The following SPRED2 variants were observed in gnomAD, a reference collection of about 807,000 sequenced individuals.
The protein encoded by SPRED2 is sprouty related EVH1 domain containing 2.
In SPRED2, 47 loss-of-function variants were observed where a neutral mutation model predicts 43.0. That is an observed-to-expected ratio of 1.09 (90% CI 0.87 to 1.40). The LOEUF is 1.40. Ranked by LOEUF, SPRED2 falls within the 40% of genes most tolerant of loss-of-function variation. The pLI is 0.00. For synonymous variants in SPRED2, 225 were observed against 225.7 expected, an observed-to-expected ratio of 1.00 and a Z score of 0.03; for missense variants, 561 against 586.4, an observed-to-expected ratio of 0.96 and a Z score of 0.45.
chr2:65,343,686 C>A (rs1295294007), intron 2 of SPRED2, among the ~76,000 whole-genome samples: 3 of 152,126 alleles, frequency 2.0e-5, no homozygotes, highest in African/African-American at 7.2e-5. Flanking sequence ...GAATTTAAAA[C>A]AGATTTTGGA....
intron 2 of SPRED2, among the ~76,000 whole-genome samples, chr2:65,336,432 GAAT>G (rs35393756): frequency 0.27 from 40,980 of 151,904 alleles, 6,850 homozygotes; most frequent in East Asian, 0.69. Context: ...AAAAAAATGA[GAAT>G]AATATTCAAA....
In SPRED2 at chr2:65,432,110, G is replaced by C; in HGVS notation, c.-123C>G. Reference sequence around the variant, plus strand: ...CTGATTTGGGGAGGGGGGGCGGCTAGAGATGAAGAGGGCGCCGCAGCAGAA... The same window carrying C: ...CTGATTTGGGGAGGGGGGGCGGCTACAGATGAAGAGGGCGCCGCAGCAGAA... On this transcript the variant is annotated 5_prime_UTR_variant, in exon 1 of 6. Transcript: ENST00000356388. The C allele has an allele frequency of 1.6e-6, 2 of 1,276,936 alleles. No individual in the cohort carries two copies. The highest frequency in any genetic ancestry group is 2.2e-6 in the Non-Finnish European group (2 of 898,992). The allele number at this position is 1,276,936 out of a possible 1,614,324, so 79.1% of individuals were successfully genotyped here. A position where few individuals can be genotyped will look rare whatever the true frequency, so the allele number is the denominator to read the frequency against.
chr2:65,421,254 T>G (rs1158426315), intron 1 of SPRED2, among the ~76,000 whole-genome samples: 1 of 152,244 alleles, frequency 6.6e-6, no homozygotes, highest in African/African-American at 2.4e-5. Flanking sequence ...AGGCACCTGA[T>G]GATACCTCTC....
intron 1 of SPRED2, among the ~76,000 whole-genome samples, chr2:65,355,646 G>C (rs923000821): frequency 6.6e-6 from 1 of 151,992 alleles, no homozygotes; most frequent in Non-Finnish European, 1.5e-5. Context: ...TGAACCTAGG[G>C]GGCAGAGGTT....
intron 3 of SPRED2, 54 bp from the exon 4 acceptor site, chr2:65,332,105 C>G (rs1673830365): frequency 8.5e-7 from 1 of 1,180,744 alleles, no homozygotes; most frequent in East Asian, 2.4e-5. Context: ...ACATCAAATC[C>G]AACCGTTTAA....
At position 65,313,911 on chromosome 2, in the gene SPRED2, G is replaced by A. The variant is rs555449116; in HGVS notation, c.847C>T (p.Arg283Cys). Residue 283 changes from arginine to cysteine, a missense_variant, in exon 6 of 6, where the codon CGC (arginine) becomes TGC (cysteine). Arg to Cys is a radical substitution (Grantham distance 180). Coordinates refer to ENST00000356388, the MANE Select transcript of SPRED2 (RefSeq NM_181784.3). Reference sequence around the variant, plus strand: ...TGCGTCTTGATCACGCTGCCCCCGCGGCCTTTGGGGTCCTCGCCTAGGCCA... The same window carrying A: ...TGCGTCTTGATCACGCTGCCCCCGCAGCCTTTGGGGTCCTCGCCTAGGCCA... ...DFGLGEDPKG[R>C]GGSVIKTQPS... The A allele has an allele frequency of 1.9e-6, 3 of 1,610,588 alleles. No individual in the cohort carries two copies. Among genetic ancestry groups the A allele is most frequent in the Non-Finnish European group, 2.5e-6 (3 of 1,179,942 alleles).
intron 1 of SPRED2, among the ~76,000 whole-genome samples, chr2:65,428,269 C>T (rs540180214): frequency 1.2e-3 from 179 of 152,288 alleles, no homozygotes; most frequent in African/African-American, 4.1e-3. Flanking sequence ...TGTCTATTCC[C>T]ATTTTGTCCA....
At chr2:65,366,472 G>T in intron 1 of SPRED2, 1 of 1,021,040 alleles carries the variant, frequency 9.8e-7, no homozygotes. Flanking sequence ...ACACACTGTG[G>T]TCCTCTACAA....
At chr2:65,323,804 A>C (rs1673510898) in intron 4 of SPRED2, among the ~76,000 whole-genome samples, 1 of 152,152 alleles carries the variant, frequency 6.6e-6, no homozygotes, top group South Asian at 2.1e-4. Flanking sequence ...TGAACGTGGG[A>C]GGAAGAGGTT....
rs776658106 is a variant in SPRED2, at chr2:65,313,873, G to C, written c.885C>G (p.Gly295=). The part of the protein sequence containing the change: ...GSVIKTQPSR[G]KSRRRKEDGE... ...CGTCCTCCTTCCGCCGCCGCGACTT[G>C]CCCCGGGAGGGCTGCGTCTTGATCA... Residue 295 remains glycine, a synonymous_variant, in exon 6 of 6, where the codon GGC becomes GGG. Transcript: ENST00000356388. 2.5e-6 allele frequency: 4 copies of C among 1,610,556 alleles called. No homozygotes were observed. The Admixed American group carries it at 6.7e-5, about 27-fold the overall frequency.
chr2:65,395,656 T>C (rs1675741834), intron 1 of SPRED2, among the ~76,000 whole-genome samples: 1 of 152,208 alleles, frequency 6.6e-6, no homozygotes, highest in African/African-American at 2.4e-5. Flanking sequence ...GGTTTCCTTA[T>C]GGGTAGAAGT....
In SPRED2 at chr2:65,314,056, T is replaced by C; in HGVS notation, c.702A>G (p.Ala234=). Residue 234 remains alanine (A), a synonymous_variant, in exon 6 of 6, where the codon GCA becomes GCG. Coordinates refer to ENST00000356388, the MANE Select transcript of SPRED2 (RefSeq NM_181784.3). ...WMTGYEDYRH[A]PVRGKYPDPS... is the part of the protein sequence containing the mutation. Reference sequence around the variant, plus strand: ...GGTCCGGGTACTTGCCCCTGACGGGTGCGTGCCGGTAATCCTCGTACCCCG... The same window carrying C: ...GGTCCGGGTACTTGCCCCTGACGGGCGCGTGCCGGTAATCCTCGTACCCCG... 2 of 1,614,032 alleles carry C rather than the reference T, an allele frequency of 1.2e-6. No homozygotes were observed. The highest frequency in any genetic ancestry group is 1.7e-6 in the Non-Finnish European group (2 of 1,179,958).
chr2:65,357,298 C>T (rs1248689362), intron 1 of SPRED2, among the ~76,000 whole-genome samples: 2 of 152,228 alleles, frequency 1.3e-5, no homozygotes, highest in Non-Finnish European at 2.9e-5. Context: ...GCATGCTGGA[C>T]GGCTTCACTT....
intron 1 of SPRED2, among the ~76,000 whole-genome samples, chr2:65,365,994 T>C (rs1460408609): frequency 6.6e-6 from 1 of 151,568 alleles, no homozygotes; most frequent in African/African-American, 2.4e-5. Flanking sequence ...AAAAAGTTAA[T>C]GCATGAATTC....
intron 4 of SPRED2, among the ~76,000 whole-genome samples, chr2:65,323,713 A>G (rs546683127): frequency 4.6e-5 from 7 of 151,922 alleles, no homozygotes; most frequent in Non-Finnish European, 1.0e-4. Context: ...CGTCTCTACT[A>G]AAAATACAAA....
intron 1 of SPRED2, among the ~76,000 whole-genome samples, chr2:65,392,667 T>A (rs2103690414): frequency 6.6e-6 from 1 of 152,200 alleles, no homozygotes; most frequent in East Asian, 1.9e-4. Context: ...AATGGAGTTG[T>A]GTTGAAATGA....
chr2:65,429,642 T>G (rs1676631583), intron 1 of SPRED2, among the ~76,000 whole-genome samples: 1 of 152,192 alleles, frequency 6.6e-6, no homozygotes, highest in South Asian at 2.1e-4. Flanking sequence ...AACAAAATAA[T>G]AGACAGTGGC....
chr2:65,349,308 C>CAAAAAAAAAAAAAAAAAA (rs59019958), intron 1 of SPRED2, among the ~76,000 whole-genome samples: 2 of 83,702 alleles, frequency 2.4e-5, no homozygotes, highest in Admixed American at 1.6e-4. Flanking sequence ...GACTCTGTCT[C>CAAAAAAAAAAAAAAAAAA]AAAAAAAAAA....
rs1668866767 is a variant in SPRED2, at chr2:65,431,998, A to C, written c.-11T>G. ...TGTTTCTTCGGTCATTTTCTTGTTC[A>C]CCTAGACGCCTGTCCCGCGGCGGGC... On this transcript the variant is annotated 5_prime_UTR_variant, in exon 1 of 6. It removes the in-frame stop codon of an upstream open reading frame in the 5' UTR. Coordinates refer to ENST00000356388, the MANE Select transcript of SPRED2 (RefSeq NM_181784.3). 6.2e-7 allele frequency: 1 copy of C among 1,613,496 alleles called. No homozygotes were observed. The highest frequency in any genetic ancestry group is 8.5e-7 in the Non-Finnish European group (1 of 1,179,852).
Sources: gnomAD v4.1 joint callset for allele counts (sites outside exome capture counted in the v4.1 genomes callset) on GRCh38, gnomAD v4.1.1 for gene constraint, MANE v1.5 for transcripts, NCBI Gene and HGNC (gene_info 2026-07-23, HGNC 2026-07-21) for gene names.